The following GABRE variants were observed in gnomAD, a reference collection of about 807,000 sequenced individuals.
GABRE encodes the protein gamma-aminobutyric acid type A receptor subunit epsilon.
GABRE carries 20 observed loss-of-function variants against 31.0 expected under a neutral mutation model. The observed-to-expected ratio is 0.64, with a 90% CI of 0.45 to 0.94. The LOEUF (loss-of-function observed/expected upper bound fraction) is 0.94, where lower values mean the gene tolerates loss of function less well. Ranked by LOEUF, GABRE falls within the 40% of genes least tolerant of loss-of-function variation. The pLI is 0.00. For synonymous variants in GABRE, 155 were observed against 150.6 expected (o/e 1.03, Z -0.21); for missense variants, 420 against 410.7 (o/e 1.02, Z -0.20).
intron 5 of GABRE, among the ~76,000 whole-genome samples, chrX:151,960,610 G>A (rs891604722): frequency 1.8e-5 from 2 of 111,684 alleles, no homozygotes; most frequent in African/African-American, 6.5e-5. Context: ...CGGCAGATTC[G>A]AGACTAAGAA....
chrX:151,955,290 G>A (rs1934118817), intron 8 of GABRE, 78 bp downstream of exon 8: 12 of 1,206,849 alleles, frequency 9.9e-6, no homozygotes, highest in Non-Finnish European at 1.3e-5. Context: ...GACCACCCAT[G>A]TGCCATAACC....
At chrX:151,956,168 A>C in intron 6 of GABRE, 1 of 287,574 alleles carries the variant, frequency 3.5e-6, no homozygotes, top group Non-Finnish European at 6.1e-6. Context: ...TGAAAAAATC[A>C]ATTAGCCTTC....
At position 151,955,758 on chromosome X, in the gene GABRE, C is replaced by T; in HGVS notation, c.887G>A (p.Trp296Ter). The T allele has an allele frequency of 8.3e-7, 1 of 1,211,989 alleles. No individual in the cohort carries two copies. Among genetic ancestry groups the T allele is most frequent in the South Asian group, 1.8e-5 (1 of 56,994 alleles). ...CTCTGTCTTGATCCAAAAGGAAACC[C>T]AGGAGAGCATCGTGGTCACGGAAGA... ...VPSSVTTMLS[W>*]VSFWIKTESA... The change falls in exon 7 of 9, where the codon TGG becomes TAG. Residue 296 changes from tryptophan to a stop codon, truncating the protein, a stop_gained. Coordinates refer to ENST00000370328, the MANE Select transcript of GABRE (RefSeq NM_004961.4). LOFTEE classifies it high-confidence loss of function.
intron 3 of GABRE, among the ~76,000 whole-genome samples, chrX:151,963,452 C>T (rs1053519710): frequency 3.6e-5 from 4 of 112,652 alleles, no homozygotes; most frequent in African/African-American, 1.3e-4. Flanking sequence ...GTCCATAGCA[C>T]TACTACTCAC....
intron 6 of GABRE, chrX:151,959,310 T>C (rs1708037709): frequency 4.2e-6 from 1 of 238,088 alleles, no homozygotes; most frequent in Non-Finnish European, 7.8e-6. Flanking sequence ...ATCTGTGCTT[T>C]TCAGACTTGT....
chrX:151,957,988 T>C (rs1470380452), intron 6 of GABRE: 2 of 119,149 alleles, frequency 1.7e-5, no homozygotes, highest in Non-Finnish European at 3.5e-5. Context: ...GGAATGATGA[T>C]GTTGATCGTT....
chrX:151,954,838 C>T lies in GABRE; in HGVS notation c.1384G>A (p.Asp462Asn), dbSNP rs762135092. 3.9e-5 allele frequency: 47 copies of T among 1,210,527 alleles called. No homozygotes were observed. Among genetic ancestry groups the T allele is most frequent in the Non-Finnish European group, 4.9e-5 (44 of 895,331 alleles). Residue 462 changes from aspartate (D) to asparagine (N), a missense_variant, in exon 9 of 9, where the codon GAT becomes AAT. Coordinates refer to ENST00000370328, the MANE Select transcript of GABRE (RefSeq NM_004961.4). ...RFKKYFCMVP[D>N]CEGSTWQQGR... ...TGCTGCCAGGTACTGCCCTCACAAT[C>T]GGGGACCATGCAGAAGTACTTCTTA...
intron 4 of GABRE, among the ~76,000 whole-genome samples, chrX:151,961,763 G>A (rs749579592): frequency 5.4e-5 from 6 of 110,955 alleles, no homozygotes; most frequent in Non-Finnish European, 7.5e-5. Context: ...CCTGGACCTC[G>A]CTAGAATTTA....
Position 151,955,763 on chromosome X carries a change from G to A in GABRE, c.882C>T (p.Leu294=), listed in dbSNP as rs1183286263. Residue 294 remains leucine (L), a synonymous_variant, in exon 7 of 9, where the codon CTC becomes CTT. Transcript: ENST00000370328. ...TCTTGATCCAAAAGGAAACCCAGGA[G>A]AGCATCGTGGTCACGGAAGAAGGGA... ...NYVPSSVTTM[L]SWVSFWIKTE... The A allele has an allele frequency of 4.1e-6, 5 of 1,210,584 alleles. 1 individual carries two copies. Among genetic ancestry groups the A allele is most frequent in the Non-Finnish European group, 5.6e-6 (5 of 895,311 alleles).
rs769273711 is a variant in GABRE, at chrX:151,970,257, G to C, written c.202C>G (p.Leu68Val). Residue 68 changes from leucine (L) to valine (V), a missense_variant, in exon 2 of 9, where the codon CTG (leucine) becomes GTG (valine). Physicochemically the swap from Leu to Val is conservative, Grantham distance 32. Transcript: ENST00000370328. Reference protein sequence around the residue: ...ETETGSRVGKLPEASRILNTI... With the variant: ...ETETGSRVGKVPEASRILNTI... ...TTCAGGATGCGAGAGGCTTCTGGCAGTTTGCCAACTCTGCTCCCAGTCTCA... is the reference window on the plus strand; with the variant it reads ...TTCAGGATGCGAGAGGCTTCTGGCACTTTGCCAACTCTGCTCCCAGTCTCA... The C allele has an allele frequency of 2.1e-5, 25 of 1,212,184 alleles. No homozygotes were observed. The highest frequency in any genetic ancestry group is 2.8e-5 in the Non-Finnish European group (25 of 895,621).
chrX:151,966,408 C>A (rs1934525941), intron 3 of GABRE, among the ~76,000 whole-genome samples: 1 of 112,148 alleles, frequency 8.9e-6, no homozygotes, highest in Non-Finnish European at 1.9e-5. Flanking sequence ...GAGGACAAGG[C>A]CTGCTTTCTA....
intron 3 of GABRE, among the ~76,000 whole-genome samples, chrX:151,967,930 G>A (rs904054249): frequency 8.9e-6 from 1 of 112,288 alleles, no homozygotes; most frequent in African/African-American, 3.2e-5. Context: ...CCCTTGACAG[G>A]GATTACACTT....
At position 151,955,088 on chromosome X, in the gene GABRE, A is replaced by C. The variant is rs750107739; in HGVS notation, c.1138-4T>G. 3.3e-6 allele frequency: 4 copies of C among 1,201,268 alleles called. No homozygotes were observed. The Admixed American group carries it at 8.9e-5, about 27-fold the overall frequency. On this transcript the variant is annotated splice_polypyrimidine_tract_variant and splice_region_variant and intron_variant, in intron 8 of 8. Coordinates refer to ENST00000370328, the MANE Select transcript of GABRE (RefSeq NM_004961.4). ...GGGCACGGCTATTGATACGAGGCTA[A>C]AATGGACAAGGAAAGAAGTGGGGAA...
chrX:151,954,827 GC>G lies in GABRE; in HGVS notation c.1394del (p.Gly465AlafsTer26), dbSNP rs1329673590. 2 of 1,212,064 alleles carry G rather than the reference GC, an allele frequency of 1.7e-6. No individual in the cohort carries two copies. The highest frequency in any genetic ancestry group is 3.0e-5 in the East Asian group (1 of 33,841). ...KYFCMVPDCE[G>X]STWQQGRLCI... The stretch of plus-strand genomic sequence containing the variant: ...AGAGGCGGCCCTGCTGCCAGGTACT[GC>G]CCTCACAATCGGGGACCATGCAGAA... On this transcript the variant is annotated frameshift_variant, in exon 9 of 9. Coordinates refer to ENST00000370328, the MANE Select transcript of GABRE (RefSeq NM_004961.4). LOFTEE classifies it high-confidence loss of function.
chrX:151,957,715 G>C (rs1438227397), intron 6 of GABRE: 1 of 237,023 alleles, frequency 4.2e-6, no homozygotes, highest in Non-Finnish European at 7.8e-6. Context: ...TGAGGAGTGA[G>C]AGAAGCACGG....
Position 151,961,354 on chromosome X carries a change from T to A in GABRE, c.575A>T (p.Asp192Val), listed in dbSNP as rs201244825. ...KVLYTIRMTI[D>V]AGCSLHMLRF... Reference sequence around the variant, plus strand: ...GAGCATGTGGAGTGAGCATCCGGCATCAATGGTCATCCTGGAAGGGAGAAA... The same window carrying A: ...GAGCATGTGGAGTGAGCATCCGGCAACAATGGTCATCCTGGAAGGGAGAAA... The change falls in exon 5 of 9, where the codon GAT (aspartate) becomes GTT (valine). Residue 192 changes from aspartate to valine, a missense_variant. By Grantham distance (152) the Asp-to-Val change is radical (BLOSUM62 -3). Coordinates refer to ENST00000370328, the MANE Select transcript of GABRE (RefSeq NM_004961.4). 3 of 1,195,574 alleles carry A rather than the reference T, an allele frequency of 2.5e-6. No homozygotes were observed. The East Asian group carries it at 8.9e-5, about 36-fold the overall frequency.
chrX:151,973,557 A>G (rs1205014112), intron 1 of GABRE, among the ~76,000 whole-genome samples: 1 of 111,445 alleles, frequency 9.0e-6, no homozygotes, highest in Non-Finnish European at 1.9e-5. Flanking sequence ...CCCAGAACAG[A>G]CAAACAAGAC....
At chrX:151,973,540 C>T (rs1422075499) in intron 1 of GABRE, among the ~76,000 whole-genome samples, 2 of 111,372 alleles carry the variant, frequency 1.8e-5, no homozygotes, top group Admixed American at 9.5e-5. Context: ...AGAAGCCACC[C>T]TCCCTCCCCA....
At chrX:151,969,987 C>G in intron 2 of GABRE, 198 bp downstream of exon 2, 1 of 1,077,843 alleles carries the variant, frequency 9.3e-7, no homozygotes, top group East Asian at 3.3e-5. Flanking sequence ...AAACTGAGGG[C>G]GAGAGAAGGG....
Sources: allele counts gnomAD v4.1 joint callset (sites outside exome capture counted in the v4.1 genomes callset), GRCh38; gene constraint gnomAD v4.1.1; transcripts MANE v1.5; gene names NCBI Gene and HGNC (gene_info 2026-07-23, HGNC 2026-07-21).